The following NCAM1 variants were observed in gnomAD, a reference collection of about 807,000 sequenced individuals.
NCAM1 encodes the protein neural cell adhesion molecule 1, also known as antigen recognized by monoclonal antibody 5.1H11.
NCAM1 carries 14 observed loss-of-function variants against 109.8 expected under a neutral mutation model. That is an observed-to-expected ratio of 0.13 (90% confidence interval 0.08 to 0.20). The LOEUF (loss-of-function observed/expected upper bound fraction) is 0.20. NCAM1 is among the 10% of genes least tolerant of loss of function. The probability of loss-of-function intolerance (pLI) is 1.00; values close to 1 mark genes in which losing one functional copy is unlikely to be tolerated. For synonymous variants in NCAM1, 418 were observed against 442.9 expected, an observed-to-expected ratio of 0.94 and a Z score of 0.70; for missense variants, 774 against 1,109.9, an observed-to-expected ratio of 0.70 and a Z score of 4.30.
At chr11:112,975,564 G>A (rs1950985706) in intron 1 of NCAM1, among the ~76,000 whole-genome samples, 1 of 151,946 alleles carries the variant, frequency 6.6e-6, no homozygotes, top group Non-Finnish European at 1.5e-5. Context: ...TTCCTTTTGT[G>A]TGTGTAAGTG....
At chr11:112,986,719 C>T (rs1555069718) in intron 1 of NCAM1, among the ~76,000 whole-genome samples, 1 of 151,716 alleles carries the variant, frequency 6.6e-6, no homozygotes, top group Admixed American at 6.6e-5. Context: ...TCTTATGATC[C>T]TTTGTACTTT....
At chr11:113,055,331 A>G (rs1215888547) in intron 1 of NCAM1, among the ~76,000 whole-genome samples, 1 of 152,244 alleles carries the variant, frequency 6.6e-6, no homozygotes, top group Non-Finnish European at 1.5e-5. Context: ...GCTGATCTAC[A>G]GAGCCCGTTA....
At chr11:112,976,255 A>G (rs894648477) in intron 1 of NCAM1, among the ~76,000 whole-genome samples, 1 of 151,986 alleles carries the variant, frequency 6.6e-6, no homozygotes, top group Non-Finnish European at 1.5e-5. Context: ...ATAAAAATAT[A>G]TATACAATTA....
intron 14 of NCAM1, among the ~76,000 whole-genome samples, chr11:113,245,928 T>A (rs1269248812): frequency 6.6e-6 from 1 of 152,200 alleles, no homozygotes; most frequent in African/African-American, 2.4e-5. Flanking sequence ...ATAACTTGCT[T>A]TTTTCTTTTC....
In NCAM1 at chr11:113,232,892, G is replaced by C. The variant is rs534723373; in HGVS notation, c.1522+78G>C. ...CTGCCAGCCCAATTTGTGTACTTGA[G>C]TGATTCCAGGATATTGGGAAGAAGA... is the stretch of plus-strand genomic sequence containing the variant. On this transcript the variant is annotated intron_variant, in intron 12 of 19. Coordinates refer to ENST00000316851, the MANE Select transcript of NCAM1 (RefSeq NM_181351.5). The C allele has an allele frequency of 2.3e-6, 3 of 1,298,992 alleles. No homozygotes were observed. The East Asian group carries it at 7.0e-5, about 30-fold the overall frequency. The allele number at this position is 1,298,992 out of a possible 1,614,324, so 80.5% of individuals were successfully genotyped here. A position where few individuals can be genotyped will look rare whatever the true frequency, so the allele number is the denominator to read the frequency against.
At chr11:113,239,557 G>T (rs1467154531) in intron 14 of NCAM1, among the ~76,000 whole-genome samples, 1 of 140,436 alleles carries the variant, frequency 7.1e-6, no homozygotes, top group African/African-American at 2.7e-5. Flanking sequence ...CCAGGCTGGA[G>T]TGCAGTGGCG....
intron 1 of NCAM1, among the ~76,000 whole-genome samples, chr11:113,089,151 A>G (rs1033039773): frequency 1.3e-5 from 2 of 152,062 alleles, no homozygotes; most frequent in Non-Finnish European, 2.9e-5. Flanking sequence ...TGTCTCTACT[A>G]AAAATACAAA....
intron 1 of NCAM1, among the ~76,000 whole-genome samples, chr11:113,161,192 G>A (rs1279544104): frequency 6.6e-6 from 1 of 152,148 alleles, no homozygotes; most frequent in Non-Finnish European, 1.5e-5. Flanking sequence ...AGCCCCCCAA[G>A]AGATGATTAC....
At chr11:113,206,301 T>A in intron 5 of NCAM1, 121 bp downstream of exon 5, 1 of 1,091,492 alleles carries the variant, frequency 9.2e-7, no homozygotes, top group Non-Finnish European at 1.3e-6. Context: ...ATCATCCGTC[T>A]GAGCTAAATC....
At chr11:113,081,793 CAG>C (rs1402914089) in intron 1 of NCAM1, among the ~76,000 whole-genome samples, 1 of 152,190 alleles carries the variant, frequency 6.6e-6, no homozygotes, top group Non-Finnish European at 1.5e-5. Flanking sequence ...CTCAGCCTCC[CAG>C]AGTGTTGGGA....
At position 113,050,624 on chromosome 11, in the gene NCAM1, A is replaced by G. The variant is rs183142432; in HGVS notation, c.52+88960A>G. ...GAGTTAGGTAGTATGATGCCTACAG[A>G]AAAAAAAATACACAAAATTCAAAAC... On this transcript the variant is annotated intron_variant, in intron 1 of 19. Coordinates refer to ENST00000316851, the MANE Select transcript of NCAM1 (RefSeq NM_181351.5). Among the ~76,000 whole-genome samples the G allele has an allele frequency of 6.7e-5, 10 of 149,292 alleles. No homozygotes were observed. The East Asian group carries it at 2.0e-3, about 30-fold the overall frequency.
chr11:113,161,925 T>C (rs1555104457), intron 1 of NCAM1, among the ~76,000 whole-genome samples: 2 of 152,166 alleles, frequency 1.3e-5, no homozygotes, highest in Non-Finnish European at 1.5e-5. Flanking sequence ...ACTGATTTTT[T>C]TTCCCCTGAA....
At chr11:113,249,382 G>C (rs989061633) in intron 15 of NCAM1, among the ~76,000 whole-genome samples, 2 of 152,166 alleles carry the variant, frequency 1.3e-5, no homozygotes, top group Admixed American at 1.3e-4. Flanking sequence ...CAGTGGGAAG[G>C]GGCTGAAGAA....
At chr11:113,203,569 C>T (rs1944139149) in intron 2 of NCAM1, among the ~76,000 whole-genome samples, 1 of 152,202 alleles carries the variant, frequency 6.6e-6, no homozygotes. Flanking sequence ...AGTGTCAGAG[C>T]CCTGTTCCAG....
chr11:113,238,391 T>C (rs191199364), intron 14 of NCAM1, among the ~76,000 whole-genome samples: 481 of 152,312 alleles, frequency 3.2e-3, no homozygotes, highest in Non-Finnish European at 4.3e-3. Context: ...CATCATATTA[T>C]CACCAAAGAT....
At chr11:113,230,554 G>T (rs1944975669) in intron 9 of NCAM1, among the ~76,000 whole-genome samples, 1 of 152,194 alleles carries the variant, frequency 6.6e-6, no homozygotes, top group African/African-American at 2.4e-5. Context: ...GTATGACATT[G>T]CAATTCTGGG....
intron 1 of NCAM1, among the ~76,000 whole-genome samples, chr11:113,181,475 G>T (rs555715469): frequency 1.3e-5 from 2 of 152,284 alleles, no homozygotes; most frequent in African/African-American, 2.4e-5. Flanking sequence ...GTGAGAACAC[G>T]TGGACACATG....
chr11:113,046,707 C>T (rs1953278968), intron 1 of NCAM1, among the ~76,000 whole-genome samples: 1 of 147,288 alleles, frequency 6.8e-6, no homozygotes, highest in African/African-American at 2.5e-5. Context: ...GACAGATGAA[C>T]AGGAAGAAAG....
intron 1 of NCAM1, among the ~76,000 whole-genome samples, chr11:113,199,991 T>A (rs1243112459): frequency 6.6e-6 from 1 of 152,196 alleles, no homozygotes; most frequent in Admixed American, 6.5e-5. Context: ...TGCCGTGTTC[T>A]CCTGCCCCTT....
Sources: gnomAD v4.1 joint callset for allele counts (sites outside exome capture counted in the v4.1 genomes callset) on GRCh38, gnomAD v4.1.1 for gene constraint, MANE v1.5 for transcripts, NCBI Gene and HGNC (gene_info 2026-07-23, HGNC 2026-07-21) for gene names.